STPG2: variants seen among roughly 807,000 people sequenced by gnomAD.
STPG2 encodes the protein sperm tail PG-rich repeat containing 2, also known as sperm-tail PG-rich repeat-containing protein 2.
STPG2 carries 56 observed loss-of-function variants against 54.2 expected under a neutral mutation model. That is an observed-to-expected ratio of 1.03 (90% confidence interval 0.83 to 1.29). STPG2 has a LOEUF of 1.29. STPG2 is among the 50% of genes most tolerant of loss of function. The pLI is 0.00. For synonymous variants in STPG2, 200 were observed against 181.8 expected, an observed-to-expected ratio of 1.10 and a Z score of -0.81; for missense variants, 596 against 544.9, an observed-to-expected ratio of 1.09 and a Z score of -0.93.
intron 9 of STPG2, among the ~76,000 whole-genome samples, chr4:97,825,832 G>T (rs1332142371): frequency 3.3e-5 from 5 of 152,142 alleles, no homozygotes; most frequent in Admixed American, 3.3e-4. Flanking sequence ...TTTACTTCAT[G>T]TAACATATCT....
At chr4:97,849,255 T>C (rs981539333) in intron 8 of STPG2, among the ~76,000 whole-genome samples, 1 of 151,640 alleles carries the variant, frequency 6.6e-6, no homozygotes, top group African/African-American at 2.4e-5. Flanking sequence ...TTATTCTCTT[T>C]GAAGCAATTG....
At chr4:97,573,796 G>T (rs139224316) in intron 10 of STPG2, among the ~76,000 whole-genome samples, 1 of 152,034 alleles carries the variant, frequency 6.6e-6, no homozygotes, top group African/African-American at 2.4e-5. Flanking sequence ...GGCAGGCCAG[G>T]TCTCACTAAC....
chr4:97,708,891 A>G (rs1472934006), intron 10 of STPG2, among the ~76,000 whole-genome samples: 1 of 151,856 alleles, frequency 6.6e-6, no homozygotes, highest in Non-Finnish European at 1.5e-5. Flanking sequence ...AGGATTTTCT[A>G]AATAAATTCC....
chr4:98,026,464 G>A (rs1736423876), intron 5 of STPG2, among the ~76,000 whole-genome samples: 1 of 152,138 alleles, frequency 6.6e-6, no homozygotes, highest in Non-Finnish European at 1.5e-5. Flanking sequence ...GCAAGAGAGG[G>A]CACCAGATGG....
chr4:97,966,418 G>A (rs1337749656), intron 7 of STPG2, among the ~76,000 whole-genome samples: 1 of 152,208 alleles, frequency 6.6e-6, no homozygotes, highest in Non-Finnish European at 1.5e-5. Context: ...AGAAAGTGAT[G>A]AGGAGAATGG....
chr4:97,526,624 T>C (rs950030740), intron 4 of STPG2, among the ~76,000 whole-genome samples: 16 of 152,248 alleles, frequency 1.1e-4, no homozygotes, highest in African/African-American at 3.9e-4. Context: ...TTCTACTAGG[T>C]TGCCTGTTCA....
At chr4:98,088,714 T>C (rs2110123971) in intron 5 of STPG2, among the ~76,000 whole-genome samples, 1 of 151,532 alleles carries the variant, frequency 6.6e-6, no homozygotes, top group Non-Finnish European at 1.5e-5. Context: ...CAAGAGCTTA[T>C]TCTCTGCCTT....
intron 4 of STPG2, among the ~76,000 whole-genome samples, chr4:97,450,104 C>T (rs868275452): frequency 2.0e-5 from 3 of 151,918 alleles, no homozygotes; most frequent in Non-Finnish European, 2.9e-5. Flanking sequence ...GAGAGCCTTT[C>T]GAATAACTAT....
chr4:97,639,606 G>C (rs1721694496), intron 10 of STPG2, among the ~76,000 whole-genome samples: 1 of 151,362 alleles, frequency 6.6e-6, no homozygotes, highest in Non-Finnish European at 1.5e-5. Context: ...TTTAAACAAA[G>C]CATAGCTACA....
In STPG2 at chr4:97,499,964, G is replaced by A. The variant is rs558213700; in HGVS notation, c.462+212735C>T. Among the ~76,000 whole-genome samples the A allele has an allele frequency of 3.9e-5, 6 of 152,088 alleles. No individual in the cohort carries two copies. The South Asian group carries it at 1.2e-3, about 32-fold the overall frequency. ...CTCATATCATTGTTGAGTATTTTAA[G>A]TTTTACATGCAGTGAGAAGTGAAGC... is the stretch of plus-strand genomic sequence containing the variant. On this transcript the variant is annotated intron_variant, in intron 4 of 4. Transcript: ENST00000522676.
At chr4:97,516,958 A>G (rs1731088245) in intron 4 of STPG2, among the ~76,000 whole-genome samples, 1 of 151,750 alleles carries the variant, frequency 6.6e-6, no homozygotes, top group Non-Finnish European at 1.5e-5. Flanking sequence ...CCAAGGCTGG[A>G]ATGCAGTGGG....
At chr4:98,128,739 G>GT (rs961414078) in intron 2 of STPG2, 147 bp from the exon 3 acceptor site, 267 of 690,566 alleles carry the variant, frequency 3.9e-4, no homozygotes, top group East Asian at 1.5e-3. Flanking sequence ...TTTTGTTATT[G>GT]TTTTTTTTGA....
intron 5 of STPG2, among the ~76,000 whole-genome samples, chr4:98,039,329 G>A (rs1286327184): frequency 1.0e-5 from 1 of 96,636 alleles, no homozygotes; most frequent in African/African-American, 4.2e-5. Flanking sequence ...TCCCCCGTGG[G>A]AGAAAAAAAG....
At chr4:97,936,137 C>T (rs764790512) in intron 8 of STPG2, among the ~76,000 whole-genome samples, 2 of 152,120 alleles carry the variant, frequency 1.3e-5, no homozygotes, top group East Asian at 3.9e-4. Context: ...ATGTAATGCC[C>T]CTCTTTGTCT....
chr4:97,744,043 C>A (rs1725351350), intron 9 of STPG2, among the ~76,000 whole-genome samples: 2 of 151,296 alleles, frequency 1.3e-5, no homozygotes, highest in African/African-American at 4.8e-5. Context: ...TAGGTCGAAG[C>A]CTTTGCATTT....
chr4:97,889,729 T>G (rs1453234933), intron 8 of STPG2, among the ~76,000 whole-genome samples: 1 of 152,112 alleles, frequency 6.6e-6, no homozygotes, highest in Non-Finnish European at 1.5e-5. Flanking sequence ...AAAATTTCAT[T>G]CAGACAGTAG....
In STPG2 at chr4:97,721,069, AT is replaced by A. The variant is rs1369634689; in HGVS notation, c.1205-8256del. ...CAGTGCCTTAACCATTTCTTTCAGG[AT>A]TATACTTTTGCCTTCATGTTTAGAA... On this transcript the variant is annotated intron_variant, in intron 9 of 10. Coordinates refer to ENST00000295268, the MANE Select transcript of STPG2 (RefSeq NM_174952.3). Among the ~76,000 whole-genome samples, 4 of 152,092 alleles carry A rather than the reference AT, an allele frequency of 2.6e-5. 1 individual carries two copies. Among genetic ancestry groups the A allele is most frequent in the African/African-American group, 9.6e-5 (4 of 41,454 alleles).
intron 10 of STPG2, among the ~76,000 whole-genome samples, chr4:97,700,385 T>A (rs1453789439): frequency 6.6e-6 from 1 of 152,148 alleles, no homozygotes; most frequent in Non-Finnish European, 1.5e-5. Flanking sequence ...GAATGTGTTG[T>A]CTCCAAAATC....
intron 5 of STPG2, among the ~76,000 whole-genome samples, chr4:98,100,010 T>C (rs1896154): frequency 0.4 from 60,171 of 151,942 alleles, 12,157 homozygotes; most frequent in Middle Eastern, 0.46. Flanking sequence ...CATGTACCTA[T>C]AAATATATAT....
Sources: allele counts gnomAD v4.1 joint callset (sites outside exome capture counted in the v4.1 genomes callset), GRCh38; gene constraint gnomAD v4.1.1; transcripts MANE v1.5; gene names NCBI Gene and HGNC (gene_info 2026-07-23, HGNC 2026-07-21).